The following COL25A1 variants were observed in gnomAD, a reference collection of about 807,000 sequenced individuals.
The protein encoded by COL25A1 is collagen alpha-1(XXV) chain.
COL25A1 carries 103 observed loss-of-function variants against 128.4 expected under a neutral mutation model. That is an observed-to-expected ratio of 0.80 (90% CI 0.68 to 0.94). The LOEUF is 0.94. COL25A1 is among the 40% of genes least tolerant of loss of function. The probability of loss-of-function intolerance (pLI) is 0.00; values close to 1 mark genes in which losing one functional copy is unlikely to be tolerated. For missense variants in COL25A1, 745 were observed against 840.0 expected, an observed-to-expected ratio of 0.89 and a Z score of 1.40; for synonymous variants, 279 against 277.2, an observed-to-expected ratio of 1.01 and a Z score of -0.06.
At chr4:109,057,485 T>C (rs1761563393) in intron 3 of COL25A1, among the ~76,000 whole-genome samples, 1 of 145,356 alleles carries the variant, frequency 6.9e-6, no homozygotes, top group Non-Finnish European at 1.5e-5. Context: ...TTTTGTCATG[T>C]TGGCCAGGCT....
At position 109,301,825 on chromosome 4, in the gene COL25A1, A is replaced by T. The variant is rs371263977; in HGVS notation, c.195T>A (p.Ala65=). 1.9e-6 allele frequency: 3 copies of T among 1,614,098 alleles called. No homozygotes were observed. The African/African-American group carries it at 4.0e-5, about 22-fold the overall frequency. ...KTNDLQARIA[A]LESAKGAPSI... ...AAGGGGCCCCTTTGGCGGATTCGAG[A>T]GCGGCGATCCTCGCCTGGAGGTCGT... The change falls in exon 2 of 38, where the codon GCT becomes GCA. Residue 65 remains alanine (A), a synonymous_variant. Transcript: ENST00000399132.
chr4:108,886,822 T>A (rs1173749592), intron 18 of COL25A1, among the ~76,000 whole-genome samples: 2 of 152,092 alleles, frequency 1.3e-5, no homozygotes, highest in Non-Finnish European at 2.9e-5. Flanking sequence ...TCTTTTCACC[T>A]TTCACCCTCC....
chr4:108,876,623 A>G (rs1739491180), intron 19 of COL25A1, among the ~76,000 whole-genome samples: 1 of 152,184 alleles, frequency 6.6e-6, no homozygotes, highest in Admixed American at 6.5e-5. Context: ...AACCCTTAAG[A>G]CAATCCAAAA....
intron 3 of COL25A1, among the ~76,000 whole-genome samples, chr4:109,285,962 G>A (rs556221336): frequency 6.6e-6 from 1 of 152,160 alleles, no homozygotes; most frequent in South Asian, 2.1e-4. Context: ...GAATTGACTG[G>A]GCTCCCACAT....
intron 3 of COL25A1, among the ~76,000 whole-genome samples, chr4:109,160,097 A>T (rs1772413042): frequency 6.6e-6 from 1 of 152,188 alleles, no homozygotes; most frequent in Non-Finnish European, 1.5e-5. Context: ...ACCATAAAAG[A>T]CACCATGCTT....
chr4:108,993,895 G>T (rs1025959088), intron 6 of COL25A1, among the ~76,000 whole-genome samples: 2 of 151,862 alleles, frequency 1.3e-5, no homozygotes. Context: ...GTGTTGTGGG[G>T]GATACTAACA....
intron 3 of COL25A1, among the ~76,000 whole-genome samples, chr4:109,290,591 G>A (rs1239347820): frequency 6.6e-6 from 1 of 152,026 alleles, no homozygotes. Flanking sequence ...TGTCTATAGG[G>A]GTTGGGAAGG....
At chr4:108,956,813 A>G (rs1750125397) in intron 8 of COL25A1, among the ~76,000 whole-genome samples, 1 of 152,212 alleles carries the variant, frequency 6.6e-6, no homozygotes, top group African/African-American at 2.4e-5. Context: ...TCTCCAGGAA[A>G]TGGGAAAGAG....
intron 8 of COL25A1, among the ~76,000 whole-genome samples, chr4:108,966,529 C>T (rs1751314609): frequency 6.6e-6 from 1 of 151,942 alleles, no homozygotes; most frequent in East Asian, 1.9e-4. Context: ...TGCTTGAGTT[C>T]AATCCTCATC....
At chr4:109,011,601 T>A (rs549328014) in intron 5 of COL25A1, among the ~76,000 whole-genome samples, 83 of 152,332 alleles carry the variant, frequency 5.4e-4, no homozygotes, top group Non-Finnish European at 1.0e-3. Context: ...CTGCCCTGAA[T>A]TTTTCAGATG....
At position 109,026,275 on chromosome 4, in the gene COL25A1, A is replaced by T. The variant is rs149335794; in HGVS notation, c.421-15900T>A. On this transcript the variant is annotated intron_variant, in intron 5 of 37. Coordinates refer to ENST00000399132, the MANE Select transcript of COL25A1 (RefSeq NM_198721.4). Reference sequence around the variant, plus strand: ...GTGTTCCAAAATGGAAACTGAGGATAAAAAAAACCTAAAAACAATGACAAC... The same window carrying T: ...GTGTTCCAAAATGGAAACTGAGGATTAAAAAAACCTAAAAACAATGACAAC... Among the ~76,000 whole-genome samples the T allele has an allele frequency of 4.6e-5, 7 of 152,198 alleles. No individual in the cohort carries two copies. The East Asian group carries it at 5.8e-4, about 13-fold the overall frequency.
intron 11 of COL25A1, among the ~76,000 whole-genome samples, chr4:108,936,239 CT>C (rs1300876210): frequency 6.6e-6 from 1 of 152,068 alleles, no homozygotes; most frequent in African/African-American, 2.4e-5. Context: ...GTTCCTTCCA[CT>C]TTTTTCTTTT....
chr4:109,235,239 TCA>T (rs1448499745), intron 3 of COL25A1, among the ~76,000 whole-genome samples: 1 of 152,100 alleles, frequency 6.6e-6, no homozygotes, highest in African/African-American at 2.4e-5. Context: ...TTTTAAGATC[TCA>T]GTGGCCAGAG....
chr4:108,861,542 C>G (rs1220465580), intron 22 of COL25A1, among the ~76,000 whole-genome samples: 1 of 152,172 alleles, frequency 6.6e-6, no homozygotes, highest in Non-Finnish European at 1.5e-5. Flanking sequence ...CAGCAGCCAG[C>G]TGGAACAGGT....
At chr4:108,825,887 G>T (rs1441994517) in intron 33 of COL25A1, among the ~76,000 whole-genome samples, 1 of 152,158 alleles carries the variant, frequency 6.6e-6, no homozygotes, top group Non-Finnish European at 1.5e-5. Flanking sequence ...TTGTAAGACT[G>T]TTAGGCAAGA....
At chr4:109,264,517 G>A (rs909431147) in intron 3 of COL25A1, among the ~76,000 whole-genome samples, 1 of 152,224 alleles carries the variant, frequency 6.6e-6, no homozygotes, top group Non-Finnish European at 1.5e-5. Flanking sequence ...AGAAAATCGG[G>A]AGGAAAACAG....
chr4:109,233,921 C>T (rs1779313186), intron 3 of COL25A1, among the ~76,000 whole-genome samples: 1 of 152,096 alleles, frequency 6.6e-6, no homozygotes, highest in Non-Finnish European at 1.5e-5. Flanking sequence ...AAACATAATA[C>T]TGCACTGTTA....
At chr4:109,221,776 T>C (rs1451072939) in intron 3 of COL25A1, among the ~76,000 whole-genome samples, 1 of 152,160 alleles carries the variant, frequency 6.6e-6, no homozygotes, top group Non-Finnish European at 1.5e-5. Flanking sequence ...TTCCTTTCAC[T>C]GATCAACCTA....
chr4:108,819,536 T>C (rs1400069733), intron 35 of COL25A1, among the ~76,000 whole-genome samples: 1 of 152,182 alleles, frequency 6.6e-6, no homozygotes. Flanking sequence ...CCTCCTCTTT[T>C]GAAGGGTATG....
Sources: allele counts gnomAD v4.1 joint callset (sites outside exome capture counted in the v4.1 genomes callset), GRCh38; gene constraint gnomAD v4.1.1; transcripts MANE v1.5; gene names NCBI Gene and HGNC (gene_info 2026-07-23, HGNC 2026-07-21).